Variants in ZNF90 observed in about 807,000 individuals in gnomAD.
ZNF90 encodes zinc finger protein 90.
A neutral mutation model predicts 12.0 loss-of-function variants in ZNF90; 11 were observed. The ratio of observed to expected loss-of-function variants is 0.92; its 90% confidence interval spans 0.58 to 1.52. ZNF90 has a LOEUF of 1.52. ZNF90 is among the 40% of genes most tolerant of loss of function. The pLI is 0.00. For synonymous variants in ZNF90, 232 were observed against 240.1 expected, an observed-to-expected ratio of 0.97 and a Z score of 0.31; for missense variants, 765 against 711.5, an observed-to-expected ratio of 1.08 and a Z score of -0.86.
rs782176460 is a variant in ZNF90, at chr19:20,118,574, C to G, written c.1020C>G (p.Pro340=). 3 of 1,612,350 alleles carry G rather than the reference C, an allele frequency of 1.9e-6. No individual in the cohort carries two copies. Among genetic ancestry groups the G allele is most frequent in the Non-Finnish European group, 2.5e-6 (3 of 1,179,714 alleles). ...AGAGAATCCATACTGGAGAGAAACC[C>G]TACAAATGTGAAGAATGTGGCAAAG... is the stretch of plus-strand genomic sequence containing the variant. The part of the protein sequence containing the change: ...THKRIHTGEK[P]YKCEECGKAF... The change falls in exon 4 of 4, where the codon CCC becomes CCG. Residue 340 remains proline, a synonymous_variant. Transcript: ENST00000418063.
intron 1 of ZNF90, among the ~76,000 whole-genome samples, chr19:20,099,675 CT>C (rs1424914482): frequency 1.3e-5 from 2 of 152,166 alleles, no homozygotes; most frequent in African/African-American, 4.8e-5. Flanking sequence ...GACTGGAGAA[CT>C]TTGCTGTCTT....
At chr19:20,099,647 T>C (rs1555703652) in intron 1 of ZNF90, among the ~76,000 whole-genome samples, 1 of 152,230 alleles carries the variant, frequency 6.6e-6, no homozygotes, top group Admixed American at 6.5e-5. Context: ...TAGATACTTC[T>C]CCCAGCCACT....
In ZNF90 at chr19:20,119,454, C is replaced by T. The variant is rs1188520213; in HGVS notation, c.*94C>T. ...TGTTGGAAAGCCTTTGACCACCCCTCTACTCTTACTAAATATGAGAATTTA... is the reference window on the plus strand; with the variant it reads ...TGTTGGAAAGCCTTTGACCACCCCTTTACTCTTACTAAATATGAGAATTTA... On this transcript the variant is annotated 3_prime_UTR_variant, in exon 4 of 4. Coordinates refer to ENST00000418063, the MANE Select transcript of ZNF90 (RefSeq NM_007138.2). The T allele has an allele frequency of 1.0e-6, 1 of 1,003,764 alleles. No individual in the cohort carries two copies. The allele number at this position is 1,003,764 out of a possible 1,614,324, so 62.2% of individuals were successfully genotyped here.
Position 20,118,226 on chromosome 19 carries a change from T to C in ZNF90, c.672T>C (p.Thr224=), listed in dbSNP as rs554721074. 3.7e-6 allele frequency: 6 copies of C among 1,601,672 alleles called. No individual in the cohort carries two copies. The highest frequency in any genetic ancestry group is 5.1e-6 in the Non-Finnish European group (6 of 1,173,554). Residue 224 remains threonine, a synonymous_variant, in exon 4 of 4, where the codon ACT becomes ACC. Coordinates refer to ENST00000418063, the MANE Select transcript of ZNF90 (RefSeq NM_007138.2). ...SHLTSHKRIH[T]GEKRYKCEDC... The stretch of plus-strand genomic sequence containing the variant: ...TTACTTCACATAAGAGAATTCATAC[T>C]GGAGAGAAACGGTACAAATGTGAAG...
In ZNF90 at chr19:20,118,483, A is replaced by G. The variant is rs1555706032; in HGVS notation, c.929A>G (p.Glu310Gly). The G allele has an allele frequency of 1.9e-6, 3 of 1,613,772 alleles. No individual in the cohort carries two copies. The Admixed American group carries it at 5.0e-5, about 27-fold the overall frequency. Residue 310 changes from glutamate (E) to glycine (G), a missense_variant, in exon 4 of 4, where the codon GAG becomes GGG. Coordinates refer to ENST00000418063, the MANE Select transcript of ZNF90 (RefSeq NM_007138.2). Reference sequence around the variant, plus strand: ...GTACATAAGATAAGTCATACTGAAGAGAAACCCTACAAATGTGAAGAATGT... The same window carrying G: ...GTACATAAGATAAGTCATACTGAAGGGAAACCCTACAAATGTGAAGAATGT... Reference protein sequence around the residue: ...LYVHKISHTEEKPYKCEECGK... With the variant: ...LYVHKISHTEGKPYKCEECGK...
intron 1 of ZNF90, among the ~76,000 whole-genome samples, chr19:20,098,223 G>T (rs1487972351): frequency 3.3e-5 from 5 of 152,150 alleles, no homozygotes; most frequent in African/African-American, 1.2e-4. Flanking sequence ...TGTAGATAAG[G>T]TCTGTCCTCT....
chr19:20,079,115 CAAAAAAAAA>C (rs139573879), intron 1 of ZNF90, among the ~76,000 whole-genome samples: 1 of 68,776 alleles, frequency 1.5e-5, no homozygotes, highest in Non-Finnish European at 3.5e-5. Context: ...GGAGAGTCCT[CAAAAAAAAA>C]AAAAAAAAAA....
intron 1 of ZNF90, among the ~76,000 whole-genome samples, chr19:20,095,469 G>T (rs568847977): frequency 6.6e-6 from 1 of 152,080 alleles, no homozygotes; most frequent in African/African-American, 2.4e-5. Context: ...GTGGAAGGTT[G>T]CCCATAGTAA....
intron 3 of ZNF90, among the ~76,000 whole-genome samples, chr19:20,111,327 A>T (rs1375823641): frequency 6.6e-6 from 1 of 151,962 alleles, no homozygotes; most frequent in Non-Finnish European, 1.5e-5. Context: ...TCAGGTGATG[A>T]TCTCATTTCA....
chr19:20,100,352 G>A (rs1242994718), intron 1 of ZNF90, among the ~76,000 whole-genome samples: 1 of 152,188 alleles, frequency 6.6e-6, no homozygotes, highest in Non-Finnish European at 1.5e-5. Flanking sequence ...GTCAGGGCCT[G>A]TAAAGTGTGC....
chr19:20,110,729 T>C (rs1471321015), intron 3 of ZNF90, among the ~76,000 whole-genome samples: 1 of 152,224 alleles, frequency 6.6e-6, no homozygotes, highest in Admixed American at 6.5e-5. Flanking sequence ...GCCATTCTAA[T>C]GGGTGTGAGG....
chr19:20,092,385 C>T (rs548055489), intron 1 of ZNF90, among the ~76,000 whole-genome samples: 1 of 152,276 alleles, frequency 6.6e-6, no homozygotes, highest in Admixed American at 6.5e-5. Context: ...GACAAAAAGG[C>T]TACAGGATGC....
intron 1 of ZNF90, among the ~76,000 whole-genome samples, chr19:20,081,766 C>CT (rs1188295118): frequency 1.7e-4 from 25 of 144,168 alleles, no homozygotes; most frequent in African/African-American, 5.4e-4. Context: ...TTCTTTCTTT[C>CT]TTCTTTTTTT....
chr19:20,096,833 TACAGAGCC>T (rs1434224652), intron 1 of ZNF90, among the ~76,000 whole-genome samples: 4 of 152,194 alleles, frequency 2.6e-5, no homozygotes, highest in African/African-American at 7.2e-5. Context: ...TGCCAGAGTG[TACAGAGCC>T]ACTGCTCTAA....
chr19:20,078,089 G>C lies in ZNF90; in HGVS notation c.-44G>C, dbSNP rs1400110579. On this transcript the variant is annotated 5_prime_UTR_variant, in exon 1 of 4. Coordinates refer to ENST00000418063, the MANE Select transcript of ZNF90 (RefSeq NM_007138.2). ...AGCCTCTGTGGCCCTGTGACCTGCAGGTATTGGGAGATCCACAGCTGAGGG... is the reference window on the plus strand; with the variant it reads ...AGCCTCTGTGGCCCTGTGACCTGCACGTATTGGGAGATCCACAGCTGAGGG... The C allele has an allele frequency of 6.2e-7, 1 of 1,614,054 alleles. No homozygotes were observed.
chr19:20,108,253 A>G (rs1407901998), intron 3 of ZNF90, among the ~76,000 whole-genome samples: 1 of 152,226 alleles, frequency 6.6e-6, no homozygotes, highest in African/African-American at 2.4e-5. Flanking sequence ...GATTCAAAAT[A>G]CCTGTATATG....
chr19:20,103,830 AAG>A (rs1177152923), intron 1 of ZNF90, among the ~76,000 whole-genome samples: 1 of 152,142 alleles, frequency 6.6e-6, no homozygotes, highest in Non-Finnish European at 1.5e-5. Context: ...GAAAAAAAAA[AAG>A]AACCTGCATA....
At position 20,083,147 on chromosome 19, in the gene ZNF90, A is replaced by ATTGGTG. The variant is rs1414376169; in HGVS notation, c.3+5012_3+5013insTTGGTG. ...CAGTAAATAACTAGGGAACTCAGAG[A>ATTGGTG]CTGGTGCCGGTGCCGGTCCTCCATC... On this transcript the variant is annotated intron_variant, in intron 1 of 3. Transcript: ENST00000418063. Among the ~76,000 whole-genome samples the ATTGGTG allele has an allele frequency of 7.2e-5, 11 of 151,806 alleles. No homozygotes were observed. The East Asian group carries it at 7.8e-4, about 11-fold the overall frequency.
At chr19:20,113,510 C>T (rs1251406125) in intron 3 of ZNF90, among the ~76,000 whole-genome samples, 1 of 150,866 alleles carries the variant, frequency 6.6e-6, no homozygotes, top group Non-Finnish European at 1.5e-5. Context: ...TGTTTTTAAT[C>T]CTGTCTAGGT....
Sources: gnomAD v4.1 joint callset for allele counts (sites outside exome capture counted in the v4.1 genomes callset) on GRCh38, gnomAD v4.1.1 for gene constraint, MANE v1.5 for transcripts, NCBI Gene and HGNC (gene_info 2026-07-23, HGNC 2026-07-21) for gene names.